Variants in HARBI1 observed in about 807,000 individuals in gnomAD.
HARBI1 encodes putative nuclease HARBI1.
Under a neutral mutation model 25.3 loss-of-function variants are expected in HARBI1, and 15 were observed. That is an observed-to-expected ratio of 0.59 (90% CI 0.40 to 0.91). HARBI1 has a LOEUF of 0.91. HARBI1 is among the 40% of genes least tolerant of loss of function. The pLI, the probability that HARBI1 is intolerant of heterozygous loss-of-function variation, is 0.00. For synonymous variants in HARBI1, 168 were observed against 160.5 expected, an observed-to-expected ratio of 1.05 and a Z score of -0.35; for missense variants, 396 against 445.8, an observed-to-expected ratio of 0.89 and a Z score of 1.01.
chr11:46,614,718 T>C (rs984905766), intron 2 of HARBI1, among the ~76,000 whole-genome samples: 6 of 152,180 alleles, frequency 3.9e-5, no homozygotes, highest in Admixed American at 3.3e-4. Context: ...GGAATTACAA[T>C]TACCAGTTGT....
chr11:46,604,704 T>C, intron 2 of HARBI1: 1 of 985,310 alleles, frequency 1.0e-6, no homozygotes, highest in Non-Finnish European at 1.2e-6. Flanking sequence ...TCCGAGCACT[T>C]ATGGCAGAGA....
intron 2 of HARBI1, among the ~76,000 whole-genome samples, chr11:46,614,301 C>A (rs1181164215): frequency 6.6e-6 from 1 of 151,972 alleles, no homozygotes; most frequent in Non-Finnish European, 1.5e-5. Context: ...GTGGCGCATG[C>A]CTATAATCCC....
intron 2 of HARBI1, among the ~76,000 whole-genome samples, chr11:46,608,143 C>A (rs2045028460): frequency 6.6e-6 from 1 of 151,994 alleles, no homozygotes; most frequent in Non-Finnish European, 1.5e-5. Flanking sequence ...TACTAAAATA[C>A]AAAAATTAGC....
In HARBI1 at chr11:46,615,720, G is replaced by A. The variant is rs751591792; in HGVS notation, c.518C>T (p.Ser173Phe). Residue 173 changes from serine to phenylalanine, a missense_variant, in exon 2 of 3, where the codon TCT (serine) becomes TTT (phenylalanine). Ser to Phe is a radical substitution (Grantham distance 155). Coordinates refer to ENST00000326737, the MANE Select transcript of HARBI1 (RefSeq NM_173811.4). ...GTCACACACCATCAGGCAGTTTAAA[G>A]AATGCAGGCCTTTTCGGTTCACATA... is the stretch of plus-strand genomic sequence containing the variant. ...LSYVNRKGLH[S>F]LNCLMVCDIR... is the part of the protein sequence containing the mutation. 9.3e-6 allele frequency: 15 copies of A among 1,614,064 alleles called. 1 individual carries two copies. In the South Asian group the frequency reaches 1.6e-4, roughly 18 times the overall value.
At chr11:46,606,572 C>T (rs2044962933) in intron 2 of HARBI1, among the ~76,000 whole-genome samples, 1 of 152,142 alleles carries the variant, frequency 6.6e-6, no homozygotes, top group Admixed American at 6.5e-5. Flanking sequence ...CTTTGGCCTC[C>T]CAAAGTGCTG....
chr11:46,610,537 A>G (rs1321297380), intron 2 of HARBI1, among the ~76,000 whole-genome samples: 2 of 151,882 alleles, frequency 1.3e-5, no homozygotes, highest in African/African-American at 4.8e-5. Context: ...GCGGGCGCCT[A>G]TAGTCCCAGC....
chr11:46,605,039 G>A (rs2044882994), intron 2 of HARBI1, among the ~76,000 whole-genome samples: 1 of 152,142 alleles, frequency 6.6e-6, no homozygotes, highest in Admixed American at 6.5e-5. Context: ...TGGCAGATGA[G>A]ATGTCCCGCA....
chr11:46,609,203 C>A (rs2045079924), intron 2 of HARBI1, among the ~76,000 whole-genome samples: 1 of 151,886 alleles, frequency 6.6e-6, no homozygotes, highest in Non-Finnish European at 1.5e-5. Flanking sequence ...GGATTTAGCA[C>A]CTGGCTAAAA....
chr11:46,613,194 G>A (rs2135401624), intron 2 of HARBI1, among the ~76,000 whole-genome samples: 1 of 151,956 alleles, frequency 6.6e-6, no homozygotes, highest in East Asian at 1.9e-4. Context: ...CGGCCAGGCT[G>A]GTTTTGAACT....
intron 2 of HARBI1, among the ~76,000 whole-genome samples, chr11:46,608,545 A>C (rs999121387): frequency 2.0e-5 from 3 of 152,108 alleles, no homozygotes; most frequent in African/African-American, 7.2e-5. Flanking sequence ...CCTAGGCTCA[A>C]GTGATCCTCC....
chr11:46,617,059 C>G, intron 1 of HARBI1, 65 bp downstream of exon 1: 3 of 943,178 alleles, frequency 3.2e-6, no homozygotes, highest in Non-Finnish European at 3.8e-6. Flanking sequence ...TTAAAGGGCA[C>G]CCTAAAAACG....
intron 2 of HARBI1, among the ~76,000 whole-genome samples, chr11:46,613,697 G>A (rs113301745): frequency 0.012 from 1,829 of 152,092 alleles, 43 homozygotes; most frequent in African/African-American, 0.042. Context: ...TGGACAGGCT[G>A]GTCTTGAACG....
At chr11:46,614,225 C>T (rs1229216506) in intron 2 of HARBI1, among the ~76,000 whole-genome samples, 1 of 151,576 alleles carries the variant, frequency 6.6e-6, no homozygotes, top group Non-Finnish European at 1.5e-5. Context: ...GTTGGGAGTT[C>T]GAGAGCAGCC....
chr11:46,614,694 C>A (rs1363534840), intron 2 of HARBI1, among the ~76,000 whole-genome samples: 1 of 152,186 alleles, frequency 6.6e-6, no homozygotes, highest in South Asian at 2.1e-4. Context: ...CTTGCCTTAG[C>A]CTCCCAGATA....
At chr11:46,617,707 G>A (rs1263439176), upstream of HARBI1, 1 of 397,424 alleles carries the variant, frequency 2.5e-6, no homozygotes. Flanking sequence ...GGAGTCTTAG[G>A]AGCAAAACGT....
upstream of HARBI1, chr11:46,617,615 G>A: frequency 2.9e-6 from 1 of 348,402 alleles, no homozygotes; most frequent in Non-Finnish European, 5.1e-6. Flanking sequence ...GCGACCGGCT[G>A]CTGGGCTTAA....
At chr11:46,614,642 TCTTG>T (rs1565351315) in intron 2 of HARBI1, among the ~76,000 whole-genome samples, 2 of 152,278 alleles carry the variant, frequency 1.3e-5, no homozygotes, top group South Asian at 4.1e-4. Context: ...GGTCTTGCTA[TCTTG>T]CTCAGGCTGG....
In HARBI1 at chr11:46,603,427, T is replaced by A; in HGVS notation, c.*103A>T. 2 of 1,012,216 alleles carry A rather than the reference T, an allele frequency of 2.0e-6. No homozygotes were observed. Among genetic ancestry groups the A allele is most frequent in the East Asian group, 4.8e-5 (2 of 41,368 alleles). The allele number at this position is 1,012,216 out of a possible 1,614,324, so 62.7% of individuals were successfully genotyped here. A position where few individuals can be genotyped will look rare whatever the true frequency, so the allele number is the denominator to read the frequency against. On this transcript the variant is annotated 3_prime_UTR_variant, in exon 3 of 3. Transcript: ENST00000326737. ...ATTAAATGTCAGTTTATGACAAGTA[T>A]CTGTATACTCAGTCATGCTAGATGA...
intron 2 of HARBI1, among the ~76,000 whole-genome samples, chr11:46,612,864 G>A (rs1268796627): frequency 6.6e-6 from 1 of 151,102 alleles, no homozygotes; most frequent in Non-Finnish European, 1.5e-5. Context: ...TAGATAAGGG[G>A]TTTCACCACG....
Sources: gnomAD v4.1 joint callset for allele counts (sites outside exome capture counted in the v4.1 genomes callset) on GRCh38, gnomAD v4.1.1 for gene constraint, MANE v1.5 for transcripts, NCBI Gene and HGNC (gene_info 2026-07-23, HGNC 2026-07-21) for gene names.